BICC1: variants seen among roughly 807,000 people sequenced by gnomAD.
BICC1 encodes BicC family RNA binding protein 1.
In BICC1, 43 loss-of-function variants were observed where a neutral mutation model predicts 111.0. That is an observed-to-expected ratio of 0.39 (90% CI 0.30 to 0.50). The LOEUF (loss-of-function observed/expected upper bound fraction) is 0.50, where lower values mean the gene tolerates loss of function less well. BICC1 is among the 20% of genes least tolerant of loss of function. The pLI, the probability that BICC1 is intolerant of heterozygous loss-of-function variation, is 0.88. For synonymous variants in BICC1, 467 were observed against 434.4 expected (o/e 1.07, Z -0.93); for missense variants, 1,091 against 1,203.2 (o/e 0.91, Z 1.38).
intron 15 of BICC1, 103 bp from the exon 16 acceptor site, chr10:58,806,481 C>T: frequency 1.0e-6 from 1 of 984,674 alleles, no homozygotes; most frequent in Non-Finnish European, 1.6e-6. Flanking sequence ...ATGTCTCAGG[C>T]AGATTCATGG....
chr10:58,607,696 T>C (rs1270494857), intron 1 of BICC1, among the ~76,000 whole-genome samples: 2 of 152,224 alleles, frequency 1.3e-5, no homozygotes, highest in Non-Finnish European at 2.9e-5. Context: ...TTGCTTATAT[T>C]TTGGATTGAG....
At chr10:58,695,509 A>G (rs1840042106) in intron 2 of BICC1, among the ~76,000 whole-genome samples, 1 of 152,198 alleles carries the variant, frequency 6.6e-6, no homozygotes, top group South Asian at 2.1e-4. Context: ...AAGAGAGTAT[A>G]AATGTTGAGT....
intron 3 of BICC1, among the ~76,000 whole-genome samples, chr10:58,762,304 T>C (rs1407755114): frequency 6.6e-6 from 1 of 152,202 alleles, no homozygotes; most frequent in Non-Finnish European, 1.5e-5. Context: ...TGAGAAAATA[T>C]GGTCAAACAT....
intron 1 of BICC1, among the ~76,000 whole-genome samples, chr10:58,524,190 G>GA (rs1842468736): frequency 6.6e-6 from 1 of 151,992 alleles, no homozygotes; most frequent in South Asian, 2.1e-4. Flanking sequence ...CACAGAATTG[G>GA]AAAAAACTAC....
At chr10:58,686,520 G>T (rs950244644) in intron 2 of BICC1, among the ~76,000 whole-genome samples, 2 of 150,834 alleles carry the variant, frequency 1.3e-5, no homozygotes, top group African/African-American at 5.0e-5. Flanking sequence ...TGTAGATTTG[G>T]TCTTTTCACA....
In BICC1 at chr10:58,519,170, T is replaced by A. The variant is rs1284334586; in HGVS notation, c.190+5837T>A. On this transcript the variant is annotated intron_variant, in intron 1 of 20. Coordinates refer to ENST00000373886, the MANE Select transcript of BICC1 (RefSeq NM_001080512.3). ...GCCTCCACCATCTTCAGCCTGTGGCTTTTTGCCTTATTTTTGCACTGTGGC... is the reference window on the plus strand; with the variant it reads ...GCCTCCACCATCTTCAGCCTGTGGCATTTTGCCTTATTTTTGCACTGTGGC... Among the ~76,000 whole-genome samples the A allele has an allele frequency of 3.3e-5, 5 of 152,182 alleles. No individual in the cohort carries two copies. In the East Asian group the frequency reaches 7.7e-4, roughly 23 times the overall value.
At chr10:58,783,332 C>A (rs375983891) in intron 3 of BICC1, among the ~76,000 whole-genome samples, 16 of 152,268 alleles carry the variant, frequency 1.1e-4, no homozygotes, top group African/African-American at 2.6e-4. Flanking sequence ...CCATCCTGGT[C>A]CTAGCAGTGG....
chr10:58,591,716 G>C (rs1589125160), intron 1 of BICC1, among the ~76,000 whole-genome samples: 1 of 152,206 alleles, frequency 6.6e-6, no homozygotes, highest in African/African-American at 2.4e-5. Context: ...TTGTTGTGCT[G>C]TGTGCTCTGT....
At position 58,807,146 on chromosome 10, in the gene BICC1, A is replaced by C. The variant is rs1843733544; in HGVS notation, c.2364A>C (p.Thr788=). ...ATGTGTCCTATAAGCCCACAATGAC[A>C]ACCACTTATGAGGTTTGTAGAGTCA... is the stretch of plus-strand genomic sequence containing the variant. ...ANHVSYKPTM[T]TTYEGSSMSL... Residue 788 remains threonine, a synonymous_variant, in exon 17 of 21, where the codon ACA becomes ACC. Transcript: ENST00000373886. 3.1e-6 allele frequency: 5 copies of C among 1,613,476 alleles called. No homozygotes were observed. The highest frequency in any genetic ancestry group is 3.4e-6 in the Non-Finnish European group (4 of 1,179,758).
At chr10:58,566,439 T>C (rs1440635525) in intron 1 of BICC1, among the ~76,000 whole-genome samples, 2 of 152,164 alleles carry the variant, frequency 1.3e-5, no homozygotes, top group African/African-American at 4.8e-5. Context: ...ATTTTTGCAA[T>C]TGTGAATTTT....
At chr10:58,660,685 A>G (rs1588985967) in intron 2 of BICC1, among the ~76,000 whole-genome samples, 1 of 151,992 alleles carries the variant, frequency 6.6e-6, no homozygotes, top group East Asian at 1.9e-4. Context: ...ACATCTTTGT[A>G]CCCTCCCATT....
At chr10:58,703,703 CA>C (rs1233940156) in intron 3 of BICC1, among the ~76,000 whole-genome samples, 4 of 152,158 alleles carry the variant, frequency 2.6e-5, no homozygotes, top group African/African-American at 9.7e-5. Flanking sequence ...TAGCTGTTTG[CA>C]GCATTTAAAA....
rs987683484 is a variant in BICC1, at chr10:58,702,157, G to C, written c.307+14G>C. The C allele has an allele frequency of 5.6e-6, 9 of 1,604,388 alleles. No individual in the cohort carries two copies. Among genetic ancestry groups the C allele is most frequent in the Non-Finnish European group, 7.7e-6 (9 of 1,172,466 alleles). On this transcript the variant is annotated intron_variant, in intron 3 of 20. Coordinates refer to ENST00000373886, the MANE Select transcript of BICC1 (RefSeq NM_001080512.3). The stretch of plus-strand genomic sequence containing the variant: ...AATCCAAGAAAGGTAAATTGTGAGA[G>C]GGCAAGAAATAGGTGGTTTTGATAA...
intron 3 of BICC1, among the ~76,000 whole-genome samples, chr10:58,770,372 A>G (rs180923025): frequency 1.4e-3 from 216 of 152,258 alleles, no homozygotes; most frequent in Admixed American, 2.4e-3. Context: ...ACTTTCTCAT[A>G]AACTGCAGAG....
At chr10:58,765,668 TAAATG>T (rs1343507587) in intron 3 of BICC1, among the ~76,000 whole-genome samples, 4 of 152,180 alleles carry the variant, frequency 2.6e-5, no homozygotes, top group Non-Finnish European at 5.9e-5. Context: ...GGCCAAATCA[TAAATG>T]AAGTAGTCTA....
chr10:58,657,243 G>T (rs529728498), intron 2 of BICC1, among the ~76,000 whole-genome samples: 4 of 152,266 alleles, frequency 2.6e-5, no homozygotes, highest in African/African-American at 7.2e-5. Flanking sequence ...AGCTGGAAAT[G>T]ATCACTGTCT....
At chr10:58,665,119 T>C (rs1157760796) in intron 2 of BICC1, among the ~76,000 whole-genome samples, 3 of 152,152 alleles carry the variant, frequency 2.0e-5, no homozygotes, top group African/African-American at 7.2e-5. Context: ...AAAAAGTTCA[T>C]GGAAGGGTAA....
At chr10:58,659,653 G>A (rs959809163) in intron 2 of BICC1, among the ~76,000 whole-genome samples, 9 of 152,010 alleles carry the variant, frequency 5.9e-5, no homozygotes, top group South Asian at 2.1e-4. Context: ...TACACGGAAC[G>A]CGCATGACAC....
At chr10:58,536,633 G>A (rs1160708919) in intron 1 of BICC1, among the ~76,000 whole-genome samples, 1 of 151,630 alleles carries the variant, frequency 6.6e-6, no homozygotes, top group Non-Finnish European at 1.5e-5. Context: ...AAATTGACAA[G>A]CTAATGTCAT....
Sources: allele counts gnomAD v4.1 joint callset (sites outside exome capture counted in the v4.1 genomes callset), GRCh38; gene constraint gnomAD v4.1.1; transcripts MANE v1.5; gene names NCBI Gene and HGNC (gene_info 2026-07-23, HGNC 2026-07-21).